The following TNRC18 variants were observed in gnomAD, a reference collection of about 807,000 sequenced individuals.
The protein encoded by TNRC18 is trinucleotide repeat containing 18, also known as trinucleotide repeat-containing gene 18 protein.
In TNRC18, 69 loss-of-function variants were observed where a neutral mutation model predicts 226.7. The ratio of observed to expected loss-of-function variants is 0.30; its 90% CI spans 0.25 to 0.37. The LOEUF (loss-of-function observed/expected upper bound fraction) is 0.37, where lower values mean the gene tolerates loss of function less well. TNRC18 is among the 10% of genes least tolerant of loss of function. The pLI, the probability that TNRC18 is intolerant of heterozygous loss-of-function variation, is 1.00. For missense variants in TNRC18, 4,754 were observed against 4,256.6 expected, an observed-to-expected ratio of 1.12 and a Z score of -3.25; for synonymous variants, 2,449 against 1,927.6, an observed-to-expected ratio of 1.27 and a Z score of -7.09.
At chr7:5,343,561 C>T (rs191936253) in intron 18 of TNRC18, among the ~76,000 whole-genome samples, 3 of 152,054 alleles carry the variant, frequency 2.0e-5, no homozygotes, top group Non-Finnish European at 4.4e-5. Flanking sequence ...TAGCTGGGAC[C>T]AGAGGCGCAT....
At chr7:5,337,420 G>A (rs1454987466) in intron 18 of TNRC18, among the ~76,000 whole-genome samples, 2 of 151,520 alleles carry the variant, frequency 1.3e-5, no homozygotes, top group Non-Finnish European at 2.9e-5. Flanking sequence ...GAAGGCGGAG[G>A]TTGCAGTAAG....
chr7:5,313,576 T>C lies in TNRC18; in HGVS notation c.7315A>G (p.Lys2439Glu). The part of the protein sequence containing the change: ...TMPATRPKPK[K>E]ARAAEESGAK... ...CCCGACTCCTCGGCTGCCCGCGCCT[T>C]CTTGGGCTTGGGGCGTGTGGCAGGC... is the stretch of plus-strand genomic sequence containing the variant. The change falls in exon 27 of 30, where the codon AAG (lysine) becomes GAG (glutamate). Residue 2439 changes from lysine to glutamate, a missense_variant. Transcript: ENST00000430969. The C allele has an allele frequency of 6.2e-7, 1 of 1,605,712 alleles. No individual in the cohort carries two copies. The highest frequency in any genetic ancestry group is 8.5e-7 in the Non-Finnish European group (1 of 1,176,768).
At chr7:5,344,321 G>C (rs1420343933) in intron 18 of TNRC18, among the ~76,000 whole-genome samples, 1 of 152,180 alleles carries the variant, frequency 6.6e-6, no homozygotes, top group Non-Finnish European at 1.5e-5. Context: ...CAGAAGAGTG[G>C]CCTGGCCAAG....
intron 17 of TNRC18, among the ~76,000 whole-genome samples, chr7:5,347,478 G>A (rs917790306): frequency 6.7e-6 from 1 of 149,204 alleles, no homozygotes; most frequent in African/African-American, 2.5e-5. Context: ...TTACAGGCAT[G>A]AGCCGCCACA....
chr7:5,343,721 A>G (rs539237055), intron 18 of TNRC18, among the ~76,000 whole-genome samples: 2 of 152,126 alleles, frequency 1.3e-5, no homozygotes, highest in South Asian at 4.1e-4. Context: ...GCCACCGTGC[A>G]TGGCCAATAA....
chr7:5,313,522 C>T lies in TNRC18; in HGVS notation c.7369G>A (p.Glu2457Lys), dbSNP rs1787515228. The T allele has an allele frequency of 3.7e-6, 6 of 1,612,318 alleles. No homozygotes were observed. Among genetic ancestry groups the T allele is most frequent in the Non-Finnish European group, 5.1e-6 (6 of 1,179,252 alleles). ...GAKGPRRPGE[E>K]AELLVKLDHE... is the part of the protein sequence containing the mutation. ...TCCAGTTTGACAAGCAGCTCGGCCT[C>T]CTCCCCCGGCCTCCGAGGGCCCTTG... Residue 2457 changes from glutamate to lysine, a missense_variant, in exon 27 of 30, where the codon GAG becomes AAG. Transcript: ENST00000430969.
At position 5,308,886 on chromosome 7, in the gene TNRC18, C is replaced by A; in HGVS notation, c.8689G>T (p.Asp2897Tyr). The A allele has an allele frequency of 7.4e-7, 1 of 1,357,200 alleles. No individual in the cohort carries two copies. The allele number at this position is 1,357,200 out of a possible 1,614,324, so 84.1% of individuals were successfully genotyped here. The stretch of plus-strand genomic sequence containing the variant: ...CCACCACCACCTACCTCCATGAAGT[C>A]CTTCCTCTGGCTGGAGACCCGCAGG... ...AALRVSSQRKDFMERALYQSS... is the reference protein window; with the variant it reads ...AALRVSSQRKYFMERALYQSS... Residue 2897 changes from aspartate to tyrosine, a missense_variant, in exon 29 of 30, where the codon GAC (aspartate) becomes TAC (tyrosine). Coordinates refer to ENST00000430969, the MANE Select transcript of TNRC18 (RefSeq NM_001080495.3).
At chr7:5,354,975 C>T (rs1209767285) in intron 16 of TNRC18, among the ~76,000 whole-genome samples, 6 of 152,232 alleles carry the variant, frequency 3.9e-5, no homozygotes, top group Admixed American at 6.5e-5. Flanking sequence ...GCCCATGAAC[C>T]GGCCAGAGCC....
chr7:5,374,449 C>T lies in TNRC18; in HGVS notation c.2835G>A (p.Glu945=). The T allele has an allele frequency of 7.8e-6, 12 of 1,546,874 alleles. No individual in the cohort carries two copies. Among genetic ancestry groups the T allele is most frequent in the Non-Finnish European group, 1.0e-5 (12 of 1,145,624 alleles). ...ERLKAQEHRA[E]MEEKGSKRGL... is the part of the protein sequence containing the mutation. ...CCCGCTTGCTCCCCTTCTCTTCCATCTCCGCCCGGTGCTCCTGCGCCTTCA... is the reference window on the plus strand; with the variant it reads ...CCCGCTTGCTCCCCTTCTCTTCCATTTCCGCCCGGTGCTCCTGCGCCTTCA... The change falls in exon 10 of 30, where the codon GAG becomes GAA. Residue 945 remains glutamate (E), a synonymous_variant. Transcript: ENST00000430969.
Position 5,374,426 on chromosome 7 carries a change from C to T in TNRC18, c.2858G>A (p.Arg953Gln), listed in dbSNP as rs1179209338. 1.1e-5 allele frequency: 17 copies of T among 1,543,978 alleles called. No homozygotes were observed. The highest frequency in any genetic ancestry group is 2.5e-5 in the East Asian group (1 of 40,144). The change falls in exon 10 of 30, where the codon CGG (arginine) becomes CAG (glutamine). Residue 953 changes from arginine to glutamine, a missense_variant. Coordinates refer to ENST00000430969, the MANE Select transcript of TNRC18 (RefSeq NM_001080495.3). ...AGCCTTGCCCGCAGCCTCCAGGCCC[C>T]GCTTGCTCCCCTTCTCTTCCATCTC... ...RAEMEEKGSK[R>Q]GLEAAGKAGL...
intron 26 of TNRC18, among the ~76,000 whole-genome samples, chr7:5,314,602 C>T (rs58327246): frequency 0.18 from 20,320 of 109,902 alleles, 1,748 homozygotes; most frequent in Admixed American, 0.36. Context: ...GATGGAATTT[C>T]GCTCTTGTCG....
chr7:5,364,461 AAACACACACACACACACACACACAC>A (rs1175939800), intron 11 of TNRC18, among the ~76,000 whole-genome samples: 4 of 124,886 alleles, frequency 3.2e-5, no homozygotes, highest in Non-Finnish European at 3.3e-5. Flanking sequence ...GTCTCAAAGA[AAACACACACACACACACACACACAC>A]ACACACACAC....
intron 2 of TNRC18, among the ~76,000 whole-genome samples, chr7:5,419,306 G>A (rs1019387876): frequency 2.6e-5 from 4 of 152,262 alleles, no homozygotes; most frequent in Non-Finnish European, 5.9e-5. Context: ...GCCGGAGCCA[G>A]ATCGCAGGCG....
intron 16 of TNRC18, 93 bp downstream of exon 16, chr7:5,356,819 AGAGT>A (rs1792459004): frequency 3.7e-6 from 5 of 1,360,150 alleles, no homozygotes; most frequent in East Asian, 2.5e-5. Context: ...AGCGAGAGAG[AGAGT>A]GAGGGGCGGG....
At chr7:5,349,963 G>C (rs1052017616) in intron 17 of TNRC18, among the ~76,000 whole-genome samples, 1 of 149,078 alleles carries the variant, frequency 6.7e-6, no homozygotes, top group African/African-American at 2.4e-5. Context: ...TCTGGGTCCC[G>C]TCCACTTGGC....
At chr7:5,355,625 G>A (rs2128152136) in intron 16 of TNRC18, among the ~76,000 whole-genome samples, 1 of 152,308 alleles carries the variant, frequency 6.6e-6, no homozygotes, top group South Asian at 2.1e-4. Flanking sequence ...GTGGTACACA[G>A]CTGTAGTCCC....
intron 5 of TNRC18, among the ~76,000 whole-genome samples, chr7:5,382,259 C>G (rs928505226): frequency 6.6e-6 from 1 of 152,230 alleles, no homozygotes; most frequent in Non-Finnish European, 1.5e-5. Context: ...CACGGCCCCA[C>G]ACAGGGAGTG....
At chr7:5,362,388 C>T (rs1202537129) in intron 12 of TNRC18, among the ~76,000 whole-genome samples, 2 of 152,162 alleles carry the variant, frequency 1.3e-5, no homozygotes, top group Non-Finnish European at 2.9e-5. Flanking sequence ...CTACATGTGA[C>T]CCTGGGCTAC....
Position 5,313,724 on chromosome 7 carries a change from CGCCTTGGGG to C in TNRC18, c.7158_7166del (p.Pro2387_Ala2389del). ...GACTGGGCTGCGGCGGTGCCGGGCG[CGCCTTGGGG>C]GCCTTGGCTCGCTTGTCCACAGGCT... On this transcript the variant is annotated inframe_deletion, in exon 27 of 30. Coordinates refer to ENST00000430969, the MANE Select transcript of TNRC18 (RefSeq NM_001080495.3). 1 of 1,580,946 alleles carries C rather than the reference CGCCTTGGGG, an allele frequency of 6.3e-7. No individual in the cohort carries two copies. Among genetic ancestry groups the C allele is most frequent in the Non-Finnish European group, 8.6e-7 (1 of 1,163,878 alleles).
Sources: gnomAD v4.1 joint callset for allele counts (sites outside exome capture counted in the v4.1 genomes callset) on GRCh38, gnomAD v4.1.1 for gene constraint, MANE v1.5 for transcripts, NCBI Gene and HGNC (gene_info 2026-07-23, HGNC 2026-07-21) for gene names.